Variants in RNF144A observed in about 807,000 individuals in gnomAD.
RNF144A encodes ring finger protein 144A.
In RNF144A, 11 loss-of-function variants were observed where a neutral mutation model predicts 38.7. The observed-to-expected ratio is 0.28, with a 90% confidence interval of 0.18 to 0.47. The LOEUF (loss-of-function observed/expected upper bound fraction) is 0.47. Among genes scored for constraint, RNF144A ranks in the 20% least tolerant of loss-of-function variants. The pLI is 0.99. For missense variants in RNF144A, 316 were observed against 377.2 expected, an observed-to-expected ratio of 0.84 and a Z score of 1.34; for synonymous variants, 149 against 143.9, an observed-to-expected ratio of 1.04 and a Z score of -0.25.
At chr2:6,946,467 T>A (rs535383602) in intron 2 of RNF144A, among the ~76,000 whole-genome samples, 79 of 152,156 alleles carry the variant, frequency 5.2e-4, no homozygotes, top group African/African-American at 1.8e-3. Context: ...TAAAAATTAT[T>A]TTTCCTTTTT....
chr2:7,025,116 ACGG>A (rs1671797676), intron 7 of RNF144A, among the ~76,000 whole-genome samples: 1 of 152,164 alleles, frequency 6.6e-6, no homozygotes, highest in Non-Finnish European at 1.5e-5. Flanking sequence ...CTGGTCTCAT[ACGG>A]CAGCCTTCTC....
chr2:6,993,669 G>A (rs1173697440), intron 2 of RNF144A, among the ~76,000 whole-genome samples: 2 of 152,152 alleles, frequency 1.3e-5, no homozygotes, highest in African/African-American at 4.8e-5. Context: ...GGAGCATAGT[G>A]CATGGCTGTC....
intron 2 of RNF144A, among the ~76,000 whole-genome samples, chr2:6,983,610 C>G (rs1668772812): frequency 6.6e-6 from 1 of 152,152 alleles, no homozygotes; most frequent in African/African-American, 2.4e-5. Flanking sequence ...TTGGTCCTGA[C>G]CTCTCACCCA....
At chr2:7,046,299 G>C (rs1331239935), downstream of RNF144A, among the ~76,000 whole-genome samples, 1 of 152,172 alleles carries the variant, frequency 6.6e-6, no homozygotes, top group East Asian at 1.9e-4. Flanking sequence ...CTCTTCTCTA[G>C]CTAAAGTCAC....
chr2:7,004,489 C>A (rs552930346), intron 3 of RNF144A, among the ~76,000 whole-genome samples: 18 of 152,268 alleles, frequency 1.2e-4, no homozygotes, highest in Admixed American at 1.2e-3. Context: ...ATCAGATGGC[C>A]AAGATGGGCA....
chr2:7,034,422 T>A (rs452193), intron 8 of RNF144A, among the ~76,000 whole-genome samples: 2,867 of 152,274 alleles, frequency 0.019, 53 homozygotes, highest in Non-Finnish European at 0.029. Context: ...CCAGCTTTGC[T>A]CGGACTCATC....
intron 2 of RNF144A, among the ~76,000 whole-genome samples, chr2:6,982,058 A>G (rs776827546): frequency 7.9e-5 from 12 of 152,016 alleles, no homozygotes; most frequent in Admixed American, 2.0e-4. Context: ...CTCCCTTACT[A>G]TCACTGGAAC....
At chr2:6,987,329 A>G (rs1669024235) in intron 2 of RNF144A, among the ~76,000 whole-genome samples, 1 of 152,046 alleles carries the variant, frequency 6.6e-6, no homozygotes, top group Non-Finnish European at 1.5e-5. Context: ...GCAGTGTTGG[A>G]TGCTTCTCTA....
the RNF144A span, among the ~76,000 whole-genome samples, chr2:7,073,900 A>G: frequency 2.6e-5 from 4 of 152,206 alleles, no homozygotes; most frequent in Admixed American, 2.6e-4. Flanking sequence ...TTCAAATATC[A>G]GCTCTTTTTT....
At chr2:7,028,511 G>A (rs2103442607) in intron 7 of RNF144A, among the ~76,000 whole-genome samples, 1 of 152,300 alleles carries the variant, frequency 6.6e-6, no homozygotes, top group Non-Finnish European at 1.5e-5. Context: ...TGCTCGCAGA[G>A]GTCAGTAACC....
At chr2:7,001,669 C>T (rs1670115416) in intron 3 of RNF144A, among the ~76,000 whole-genome samples, 1 of 152,126 alleles carries the variant, frequency 6.6e-6, no homozygotes, top group East Asian at 1.9e-4. Context: ...AGAGCAAGAC[C>T]CTGTCTCAGA....
rs1017137443 is a variant in RNF144A, at chr2:6,939,894, T to C, written c.-211-1054T>C. 3.9e-4 allele frequency among the ~76,000 whole-genome samples: 60 copies of C among 152,314 alleles called. 1 individual carries two copies. The highest frequency in any genetic ancestry group is 1.4e-3 in the African/African-American group (60 of 41,578). On this transcript the variant is annotated intron_variant, in intron 1 of 8. Transcript: ENST00000320892. Reference sequence around the variant, plus strand: ...TAGATGCTTACTTTTGGACTGTCACTTCTAATCTATTAATCCATATGTCTG... The same window carrying C: ...TAGATGCTTACTTTTGGACTGTCACCTCTAATCTATTAATCCATATGTCTG...
chr2:7,046,596 A>G (rs1276329472), downstream of RNF144A, among the ~76,000 whole-genome samples: 1 of 152,216 alleles, frequency 6.6e-6, no homozygotes, highest in Non-Finnish European at 1.5e-5. Flanking sequence ...GTGAATGTGG[A>G]TGAGGCTCCC....
intron 3 of RNF144A, among the ~76,000 whole-genome samples, chr2:7,003,029 C>G (rs751742184): frequency 6.6e-5 from 10 of 151,710 alleles, no homozygotes; most frequent in African/African-American, 9.7e-5. Flanking sequence ...TAGAGTAAAG[C>G]TTACAGAATA....
rs531551577 is a variant in RNF144A, at chr2:7,057,413, G to A, written c.735-10803G>A. The stretch of plus-strand genomic sequence containing the variant: ...GACTTTCTAATCTGGAGGAAATTGG[G>A]GAGTCCCTTGGCAAGGGTGTAGCAG... On this transcript the variant is annotated intron_variant, in intron 6 of 6. Coordinates refer to the RNF144A transcript ENST00000432850. 1.3e-3 allele frequency among the ~76,000 whole-genome samples: 192 copies of A among 152,268 alleles called. 1 individual carries two copies. Among genetic ancestry groups the A allele is most frequent in the Admixed American group, 2.4e-3 (37 of 15,294 alleles).
Position 7,044,001 on chromosome 2 carries a change from A to G in RNF144A, c.*4241A>G. ...TGCCACTAACACTGTGATGTATAAAAGAGCTGTTTGAATGCCTTTTAATGT... is the reference window on the plus strand; with the variant it reads ...TGCCACTAACACTGTGATGTATAAAGGAGCTGTTTGAATGCCTTTTAATGT... On this transcript the variant is annotated 3_prime_UTR_variant, in exon 9 of 9. Transcript: ENST00000320892. 1.0e-6 allele frequency: 1 copy of G among 985,890 alleles called. No homozygotes were observed. The highest frequency in any genetic ancestry group is 1.7e-5 in the African/African-American group (1 of 57,384). 61.1% of individuals were successfully genotyped at this position (985,890 alleles called of 1,614,324 possible). A position where few individuals can be genotyped will look rare whatever the true frequency, so the allele number is the denominator to read the frequency against.
chr2:6,959,539 G>A (rs1371501707), intron 2 of RNF144A, among the ~76,000 whole-genome samples: 2 of 152,138 alleles, frequency 1.3e-5, no homozygotes, highest in African/African-American at 2.4e-5. Flanking sequence ...TGGGAAGTCC[G>A]GGATCAGGTG....
chr2:6,932,705 A>T (rs1266239191), intron 1 of RNF144A, among the ~76,000 whole-genome samples: 2 of 152,214 alleles, frequency 1.3e-5, no homozygotes, highest in African/African-American at 4.8e-5. Flanking sequence ...CTTCATTTTT[A>T]TGAGTGATAC....
chr2:6,926,367 T>C lies in RNF144A; in HGVS notation c.-212+8745T>C, dbSNP rs186851810. Among the ~76,000 whole-genome samples, 524 of 152,358 alleles carry C rather than the reference T, an allele frequency of 3.4e-3. 6 individuals carry two copies. The highest frequency in any genetic ancestry group is 0.012 in the African/African-American group (510 of 41,590). On this transcript the variant is annotated intron_variant, in intron 1 of 8. Coordinates refer to ENST00000320892, the MANE Select transcript of RNF144A (RefSeq NM_014746.6). ...AAGAGAAGGAGAGAAAATGAGGGTCTGCCTGGGAGGTGGTCCTGGAGGACT... is the reference window on the plus strand; with the variant it reads ...AAGAGAAGGAGAGAAAATGAGGGTCCGCCTGGGAGGTGGTCCTGGAGGACT...
Sources: allele counts gnomAD v4.1 joint callset (sites outside exome capture counted in the v4.1 genomes callset), GRCh38; gene constraint gnomAD v4.1.1; transcripts MANE v1.5; gene names NCBI Gene and HGNC (gene_info 2026-07-23, HGNC 2026-07-21).